Variants in PELI2 observed in about 807,000 individuals in gnomAD.
PELI2 encodes the protein E3 ubiquitin-protein ligase pellino homolog 2.
PELI2 carries 23 observed loss-of-function variants against 42.3 expected under a neutral mutation model. The observed-to-expected ratio is 0.54, with a 90% CI of 0.39 to 0.77. The LOEUF (loss-of-function observed/expected upper bound fraction) is 0.77. Ranked by LOEUF, PELI2 falls within the 30% of genes least tolerant of loss-of-function variation. PELI2 has a pLI of 0.00. For missense variants in PELI2, 463 were observed against 553.2 expected (o/e 0.84, Z 1.64); for synonymous variants, 245 against 212.2 (o/e 1.15, Z -1.34).
chr14:56,200,217 A>G (rs1055662585), intron 2 of PELI2, among the ~76,000 whole-genome samples: 2 of 152,292 alleles, frequency 1.3e-5, no homozygotes, highest in Non-Finnish European at 2.9e-5. Context: ...TGCCCTAACA[A>G]TAATGAGAGT....
rs1000556996 is a variant in PELI2 at position 56,297,462 on chromosome 14, G to T, written c.*296G>T. 1.3e-4 allele frequency: 30 copies of T among 225,064 alleles called. No homozygotes were observed. The highest frequency in any genetic ancestry group is 1.5e-3 in the Middle Eastern group (1 of 656). The allele number at this position is 225,064 out of a possible 1,614,324, so 13.9% of individuals were successfully genotyped here. A position where few individuals can be genotyped will look rare whatever the true frequency, so the allele number is the denominator to read the frequency against. ...TTTTTAACCTTGGGTTTTTAACCAA[G>T]TTTTTTTTTTTTTGTAATCTTGGAC... On this transcript the variant is annotated 3_prime_UTR_variant, in exon 6 of 6. Transcript: ENST00000267460.
At chr14:56,125,108 A>G (rs1883203267) in intron 1 of PELI2, among the ~76,000 whole-genome samples, 2 of 152,034 alleles carry the variant, frequency 1.3e-5, no homozygotes, top group South Asian at 4.1e-4. Context: ...CAAGGCAGAG[A>G]GAGAATGGAG....
chr14:56,118,907 A>G (rs1374789173), intron 1 of PELI2, among the ~76,000 whole-genome samples, 170 bp downstream of exon 1: 1 of 149,988 alleles, frequency 6.7e-6, no homozygotes, highest in Non-Finnish European at 1.5e-5. Context: ...GATGCGCCCC[A>G]TCGGCGCGCG....
At chr14:56,226,607 G>C (rs11158084) in intron 2 of PELI2, among the ~76,000 whole-genome samples, 60,882 of 151,976 alleles carry the variant, frequency 0.4, 12,991 homozygotes, top group South Asian at 0.53. Context: ...TTATGAAGTC[G>C]TAGTTTACCT....
At chr14:56,171,873 G>A (rs1246608032) in intron 1 of PELI2, among the ~76,000 whole-genome samples, 1 of 152,082 alleles carries the variant, frequency 6.6e-6, no homozygotes, top group Non-Finnish European at 1.5e-5. Context: ...CAAAATAGCT[G>A]GGCATGGTGG....
At position 56,300,251 on chromosome 14, in the gene PELI2, G is replaced by A. The variant is rs1165765745; in HGVS notation, c.*3085G>A. The A allele has an allele frequency of 6.6e-6, 1 of 152,636 alleles. No homozygotes were observed. Among genetic ancestry groups the A allele is most frequent in the Non-Finnish European group, 1.5e-5 (1 of 68,036 alleles). The allele number at this position is 152,636 out of a possible 1,614,324, so 9.5% of individuals were successfully genotyped here. A position where few individuals can be genotyped will look rare whatever the true frequency, so the allele number is the denominator to read the frequency against. Reference sequence around the variant, plus strand: ...TCAGGGTTAGGGTTTAAAGAAAGGAGAAAGCCATTGGAAAAATGATGGGCT... The same window carrying A: ...TCAGGGTTAGGGTTTAAAGAAAGGAAAAAGCCATTGGAAAAATGATGGGCT... On this transcript the variant is annotated 3_prime_UTR_variant, in exon 6 of 6. Transcript: ENST00000267460.
chr14:56,263,620 A>G (rs958733357), intron 2 of PELI2, among the ~76,000 whole-genome samples: 2 of 152,210 alleles, frequency 1.3e-5, no homozygotes, highest in Admixed American at 6.5e-5. Context: ...TAGCTGGGAG[A>G]CAAAAATTAT....
At chr14:56,174,422 G>A (rs1249526040) in intron 1 of PELI2, among the ~76,000 whole-genome samples, 1 of 152,098 alleles carries the variant, frequency 6.6e-6, no homozygotes, top group Non-Finnish European at 1.5e-5. Flanking sequence ...TTCCCCTTAG[G>A]GTAAAAAGCC....
chr14:56,119,979 G>A (rs1336118371), intron 1 of PELI2: 3 of 309,182 alleles, frequency 9.7e-6, no homozygotes, highest in African/African-American at 6.8e-5. Context: ...ATAATTTAAA[G>A]AGAGGAGTTT....
intron 2 of PELI2, among the ~76,000 whole-genome samples, chr14:56,272,566 A>G (rs1298285117): frequency 6.6e-6 from 1 of 152,178 alleles, no homozygotes; most frequent in Non-Finnish European, 1.5e-5. Context: ...CTTGCTCTAA[A>G]TGTATTAAGG....
intron 2 of PELI2, among the ~76,000 whole-genome samples, chr14:56,186,558 C>T (rs186558089): frequency 1.0e-3 from 158 of 152,174 alleles, no homozygotes; most frequent in Non-Finnish European, 1.9e-3. Flanking sequence ...ATGCAAAATA[C>T]CTCACATTAC....
intron 2 of PELI2, among the ~76,000 whole-genome samples, chr14:56,234,503 A>G (rs1887711119): frequency 6.6e-6 from 1 of 152,210 alleles, no homozygotes; most frequent in African/African-American, 2.4e-5. Flanking sequence ...TCACAAGGAC[A>G]GAAAACCAAA....
chr14:56,271,353 A>T lies in PELI2; in HGVS notation c.208-8323A>T, dbSNP rs1275054171. Among the ~76,000 whole-genome samples, 6 of 152,268 alleles carry T rather than the reference A, an allele frequency of 3.9e-5. No homozygotes were observed. In the East Asian group the frequency reaches 5.8e-4, roughly 15 times the overall value. On this transcript the variant is annotated intron_variant, in intron 2 of 5. Transcript: ENST00000267460. ...CTCAGACCTACCCCCAAACAGTTTT[A>T]TTATTATGTTTTCCCATACCGATTA...
At chr14:56,269,122 G>A (rs1474537888) in intron 2 of PELI2, among the ~76,000 whole-genome samples, 1 of 152,146 alleles carries the variant, frequency 6.6e-6, no homozygotes, top group Non-Finnish European at 1.5e-5. Flanking sequence ...TTTTCCAAAA[G>A]ATGTGGGACA....
At chr14:56,248,590 G>A (rs1410422752) in intron 2 of PELI2, among the ~76,000 whole-genome samples, 1 of 152,092 alleles carries the variant, frequency 6.6e-6, no homozygotes, top group Non-Finnish European at 1.5e-5. Context: ...CAGAAGGAAG[G>A]CATGCAGGAG....
At chr14:56,194,481 A>G (rs1341041169) in intron 2 of PELI2, among the ~76,000 whole-genome samples, 3 of 152,192 alleles carry the variant, frequency 2.0e-5, no homozygotes, top group Admixed American at 1.3e-4. Context: ...CATCCCTAGC[A>G]TGGACATTTG....
At chr14:56,245,632 TC>T (rs1888126412) in intron 2 of PELI2, among the ~76,000 whole-genome samples, 2 of 152,264 alleles carry the variant, frequency 1.3e-5, no homozygotes, top group African/African-American at 4.8e-5. Flanking sequence ...TGTTTCTTCA[TC>T]TATAAAAATG....
chr14:56,265,323 C>T (rs1039022766), intron 2 of PELI2, among the ~76,000 whole-genome samples: 2 of 151,890 alleles, frequency 1.3e-5, no homozygotes, highest in Middle Eastern at 3.2e-3. Context: ...GAAATAGACC[C>T]ATATATATAT....
intron 2 of PELI2, among the ~76,000 whole-genome samples, chr14:56,188,886 G>T (rs1340556076): frequency 6.6e-6 from 1 of 152,102 alleles, no homozygotes; most frequent in Non-Finnish European, 1.5e-5. Flanking sequence ...TAGGCTGGTC[G>T]CAGTGGCTCA....
Sources: gnomAD v4.1 joint callset for allele counts (sites outside exome capture counted in the v4.1 genomes callset) on GRCh38, gnomAD v4.1.1 for gene constraint, MANE v1.5 for transcripts, NCBI Gene and HGNC (gene_info 2026-07-23, HGNC 2026-07-21) for gene names.